Variants in TENM3 observed in about 807,000 individuals in gnomAD.
The protein encoded by TENM3 is teneurin transmembrane protein 3.
In TENM3, 63 loss-of-function variants were observed where a neutral mutation model predicts 255.1. That is an observed-to-expected ratio of 0.25 (90% CI 0.20 to 0.30). The LOEUF (loss-of-function observed/expected upper bound fraction) is 0.30, where lower values mean the gene tolerates loss of function less well. Among genes scored for constraint, TENM3 ranks in the 10% least tolerant of loss-of-function variants. The pLI, the probability that TENM3 is intolerant of heterozygous loss-of-function variation, is 1.00. For synonymous variants in TENM3, 1,306 were observed against 1,322.3 expected, an observed-to-expected ratio of 0.99 and a Z score of 0.27; for missense variants, 2,929 against 3,461.1, an observed-to-expected ratio of 0.85 and a Z score of 3.86.
the TENM3 span, among the ~76,000 whole-genome samples, chr4:181,994,694 A>C: frequency 2.0e-5 from 3 of 151,752 alleles, no homozygotes; most frequent in African/African-American, 7.3e-5. Context: ...AAATCAACAA[A>C]ATTGAAAGAA....
At chr4:181,628,865 T>A in the TENM3 span, among the ~76,000 whole-genome samples, 3 of 152,222 alleles carry the variant, frequency 2.0e-5, no homozygotes, top group African/African-American at 7.2e-5. Flanking sequence ...TTTCCAATTC[T>A]GTGAAGAAAG....
chr4:182,624,804 G>GGGAAAAAAGTCAGGA (rs1391389103), intron 4 of TENM3, among the ~76,000 whole-genome samples: 1 of 152,126 alleles, frequency 6.6e-6, no homozygotes, highest in African/African-American at 2.4e-5. Flanking sequence ...AACACAGAAA[G>GGGAAAAAAGTCAGGA]GGAAAAAAGT....
At chr4:182,384,460 G>A (rs1432406148) in intron 3 of TENM3, among the ~76,000 whole-genome samples, 1 of 152,102 alleles carries the variant, frequency 6.6e-6, no homozygotes, top group African/African-American at 2.4e-5. Context: ...AAATGCATTT[G>A]TTATACTTAG....
At chr4:182,468,191 A>C (rs1039138982) in intron 3 of TENM3, among the ~76,000 whole-genome samples, 10 of 152,146 alleles carry the variant, frequency 6.6e-5, no homozygotes, top group African/African-American at 2.4e-4. Flanking sequence ...GTTTGAGACC[A>C]ACCTGGGTAA....
At chr4:182,784,371 TC>T (rs1765442649) in intron 24 of TENM3, among the ~76,000 whole-genome samples, 2 of 151,842 alleles carry the variant, frequency 1.3e-5, no homozygotes, top group Non-Finnish European at 2.9e-5. Flanking sequence ...TGCTCAGGGG[TC>T]AGGGGTCAGG....
intron 4 of TENM3, among the ~76,000 whole-genome samples, chr4:182,624,198 A>G (rs1238097320): frequency 6.6e-6 from 1 of 151,862 alleles, no homozygotes; most frequent in Non-Finnish European, 1.5e-5. Context: ...AAAATGAAAT[A>G]TTTTTTCTAG....
chr4:182,771,488 G>C (rs4467618), intron 22 of TENM3, among the ~76,000 whole-genome samples: 1 of 147,298 alleles, frequency 6.8e-6, no homozygotes, highest in Non-Finnish European at 1.5e-5. Flanking sequence ...TTCATTTTCC[G>C]TCTCTGAAAT....
intron 1 of TENM3, among the ~76,000 whole-genome samples, chr4:182,265,091 T>C (rs748140903): frequency 6.6e-6 from 1 of 152,142 alleles, no homozygotes; most frequent in African/African-American, 2.4e-5. Context: ...ACCTCTGTTT[T>C]CCTCATGAAA....
At chr4:181,827,030 G>T in the TENM3 span, among the ~76,000 whole-genome samples, 1 of 152,152 alleles carries the variant, frequency 6.6e-6, no homozygotes, top group African/African-American at 2.4e-5. Context: ...TCCTAGCTGG[G>T]TGACACCAGA....
At chr4:182,580,568 C>T (rs190390464) in intron 3 of TENM3, among the ~76,000 whole-genome samples, 1 of 151,906 alleles carries the variant, frequency 6.6e-6, no homozygotes, top group Non-Finnish European at 1.5e-5. Flanking sequence ...TTTGACAGCT[C>T]CATTAGATCT....
the TENM3 span, among the ~76,000 whole-genome samples, chr4:181,500,390 C>T: frequency 3.3e-5 from 5 of 150,728 alleles, no homozygotes; most frequent in African/African-American, 4.9e-5. Flanking sequence ...ACCGGGGGAT[C>T]GGGGGTGGGG....
At chr4:182,259,638 T>C (rs192297431) in intron 1 of TENM3, among the ~76,000 whole-genome samples, 279 of 152,248 alleles carry the variant, frequency 1.8e-3, no homozygotes, top group Admixed American at 4.3e-3. Context: ...TTTATTGATA[T>C]GTAACAGATG....
the TENM3 span, among the ~76,000 whole-genome samples, chr4:181,614,016 G>A: frequency 9.5e-6 from 1 of 105,138 alleles, no homozygotes; most frequent in Non-Finnish European, 2.3e-5. Context: ...GGAAAGCATA[G>A]TTATTTTTTT....
the TENM3 span, among the ~76,000 whole-genome samples, chr4:181,535,929 G>T: frequency 6.6e-6 from 1 of 152,130 alleles, no homozygotes; most frequent in South Asian, 2.1e-4. Flanking sequence ...TTTTGAAAAT[G>T]AGAGGTATTT....
chr4:182,751,952 G>A lies in TENM3; in HGVS notation c.3782G>A (p.Gly1261Glu), dbSNP rs1762403147. 2 of 1,613,874 alleles carry A rather than the reference G, an allele frequency of 1.2e-6. No individual in the cohort carries two copies. Among genetic ancestry groups the A allele is most frequent in the Non-Finnish European group, 8.5e-7 (1 of 1,179,872 alleles). The change falls in exon 20 of 28, where the codon GGG becomes GAG. Residue 1261 changes from glycine (G) to glutamate (E), a missense_variant. Transcript: ENST00000511685. ...AATGCAGAAGTCGTCGCAGGGACAG[G>A]GGAGCAATGCCTTCCGTTTGACGAG... ...TKNAEVVAGTGEQCLPFDEAR... is the reference protein window; with the variant it reads ...TKNAEVVAGTEEQCLPFDEAR...
chr4:182,524,865 A>C (rs1484526438), intron 3 of TENM3, among the ~76,000 whole-genome samples: 1 of 151,282 alleles, frequency 6.6e-6, no homozygotes, highest in Non-Finnish European at 1.5e-5. Flanking sequence ...AGAAAAGAAA[A>C]GAAAATTAAA....
At chr4:181,726,738 C>A in the TENM3 span, among the ~76,000 whole-genome samples, 1 of 152,114 alleles carries the variant, frequency 6.6e-6, no homozygotes, top group Non-Finnish European at 1.5e-5. Context: ...ATCTACCTTG[C>A]GATAGTCAGA....
At chr4:181,663,294 G>A in the TENM3 span, among the ~76,000 whole-genome samples, 1 of 152,068 alleles carries the variant, frequency 6.6e-6, no homozygotes, top group African/African-American at 2.4e-5. Flanking sequence ...CCTTCAGTTG[G>A]TGGAAATGGA....
At chr4:181,528,293 G>A in the TENM3 span, among the ~76,000 whole-genome samples, 1 of 152,094 alleles carries the variant, frequency 6.6e-6, no homozygotes, top group Non-Finnish European at 1.5e-5. Flanking sequence ...TTCAGATCAA[G>A]TAGTAGCATA....
Sources: gnomAD v4.1 joint callset for allele counts (sites outside exome capture counted in the v4.1 genomes callset) on GRCh38, gnomAD v4.1.1 for gene constraint, MANE v1.5 for transcripts, NCBI Gene and HGNC (gene_info 2026-07-23, HGNC 2026-07-21) for gene names.